SAMD12: variants seen among roughly 807,000 people sequenced by gnomAD.
SAMD12 encodes sterile alpha motif domain-containing protein 12.
A neutral mutation model predicts 15.0 loss-of-function variants in SAMD12; 9 were observed. The ratio of observed to expected loss-of-function variants is 0.60; its 90% CI spans 0.36 to 1.05. The LOEUF is 1.05. Among genes scored for constraint, SAMD12 ranks in the 50% least tolerant of loss-of-function variants. The pLI, the probability that SAMD12 is intolerant of heterozygous loss-of-function variation, is 0.01. For missense variants in SAMD12, 230 were observed against 234.2 expected (o/e 0.98, Z 0.12); for synonymous variants, 86 against 90.1 (o/e 0.96, Z 0.25).
the SAMD12 span, among the ~76,000 whole-genome samples, chr8:118,145,330 T>A: frequency 3.3e-5 from 5 of 152,346 alleles, no homozygotes; most frequent in Admixed American, 2.0e-4. Context: ...GAAGTGCATT[T>A]TATAAATAAA....
exon 5 of SAMD12, chr8:118,196,315 G>A (rs1315210248): frequency 6.6e-6 from 1 of 152,170 alleles, no homozygotes; most frequent in Admixed American, 6.5e-5. Context: ...TCAGTCCCAG[G>A]CTGGGACAGT....
In SAMD12 at chr8:118,436,311, A is replaced by G. The variant is rs563145652; in HGVS notation, c.322+3521T>C. On this transcript the variant is annotated intron_variant, in intron 3 of 3. Transcript: ENST00000314727. ...CATCATCCCATTTAATCTTCCCCCA[A>G]ATTCTTTAAGATAAATATTATTTTA... Among the ~76,000 whole-genome samples the G allele has an allele frequency of 6.6e-5, 10 of 152,230 alleles. No individual in the cohort carries two copies. The South Asian group carries it at 2.1e-3, about 32-fold the overall frequency.
chr8:118,255,101 A>G (rs890906868), intron 4 of SAMD12, among the ~76,000 whole-genome samples: 1 of 152,070 alleles, frequency 6.6e-6, no homozygotes, highest in Non-Finnish European at 1.5e-5. Context: ...CTTAAGCCGC[A>G]TCACTGTGAT....
At chr8:118,327,925 T>C (rs1389353326) in intron 4 of SAMD12, among the ~76,000 whole-genome samples, 2 of 152,164 alleles carry the variant, frequency 1.3e-5, no homozygotes, top group Non-Finnish European at 2.9e-5. Flanking sequence ...CCAGATCTGT[T>C]TTCGATCTTC....
chr8:118,311,602 T>C (rs1451770278), intron 4 of SAMD12, among the ~76,000 whole-genome samples: 1 of 152,218 alleles, frequency 6.6e-6, no homozygotes, highest in Non-Finnish European at 1.5e-5. Context: ...AAACAAGACA[T>C]AAATTCTGAG....
At chr8:118,287,542 TAGAG>T (rs796901112) in intron 4 of SAMD12, among the ~76,000 whole-genome samples, 7 of 152,154 alleles carry the variant, frequency 4.6e-5, no homozygotes, top group East Asian at 1.9e-4. Flanking sequence ...TGCCGGGACT[TAGAG>T]AGAAATTCTG....
intron 2 of SAMD12, among the ~76,000 whole-genome samples, chr8:118,531,087 T>C (rs1468228398): frequency 6.6e-6 from 1 of 152,248 alleles, no homozygotes; most frequent in African/African-American, 2.4e-5. Context: ...CTTTAATCCA[T>C]CTTGAATTGA....
chr8:118,266,380 C>T (rs1202917276), intron 4 of SAMD12, among the ~76,000 whole-genome samples: 2 of 152,144 alleles, frequency 1.3e-5, no homozygotes, highest in Non-Finnish European at 2.9e-5. Flanking sequence ...AACCCTTGCA[C>T]ACTGTTGGTG....
chr8:118,203,492 C>T (rs1819771232), intron 4 of SAMD12, among the ~76,000 whole-genome samples: 1 of 152,016 alleles, frequency 6.6e-6, no homozygotes, highest in Admixed American at 6.6e-5. Context: ...GGACAGCCCT[C>T]ACAACAGAAA....
chr8:118,618,251 A>G (rs1381781553), intron 1 of SAMD12, among the ~76,000 whole-genome samples: 2 of 152,064 alleles, frequency 1.3e-5, no homozygotes, highest in Non-Finnish European at 2.9e-5. Context: ...AACAAAGGGC[A>G]CCTCTTTTTC....
At chr8:118,529,086 C>G (rs1825614387) in intron 2 of SAMD12, among the ~76,000 whole-genome samples, 1 of 152,188 alleles carries the variant, frequency 6.6e-6, no homozygotes. Flanking sequence ...CACAGACAAC[C>G]ACTACACAGT....
At chr8:118,265,921 C>A (rs1175145768) in intron 4 of SAMD12, among the ~76,000 whole-genome samples, 1 of 152,028 alleles carries the variant, frequency 6.6e-6, no homozygotes, top group Admixed American at 6.6e-5. Context: ...CAATAAGGTA[C>A]ATGAATATCA....
chr8:118,311,115 C>G (rs2514938), intron 4 of SAMD12, among the ~76,000 whole-genome samples: 8,671 of 152,302 alleles, frequency 0.057, 441 homozygotes, highest in East Asian at 0.23. Context: ...AAAGATTTAG[C>G]AAACTGCTCA....
intron 4 of SAMD12, chr8:118,284,426 G>C (rs1159946896): frequency 2.2e-6 from 1 of 452,990 alleles, no homozygotes; most frequent in African/African-American, 2.0e-5. Context: ...TGACAAGTGA[G>C]TGATTCTGCC....
intron 1 of SAMD12, among the ~76,000 whole-genome samples, chr8:118,614,280 T>C (rs761676675): frequency 3.0e-4 from 45 of 152,182 alleles, no homozygotes; most frequent in Admixed American, 6.5e-4. Context: ...CTTATACTAA[T>C]TTAACCTTCT....
At chr8:118,430,164 CAGTT>C (rs1314874069) in intron 3 of SAMD12, among the ~76,000 whole-genome samples, 2 of 152,048 alleles carry the variant, frequency 1.3e-5, no homozygotes, top group Admixed American at 6.5e-5. Flanking sequence ...CTATAGATAT[CAGTT>C]AGGTCACATT....
rs914085235 is a variant in SAMD12 at position 118,621,683 on chromosome 8, G to A, written c.13+121C>T. 2.2e-5 allele frequency: 25 copies of A among 1,137,272 alleles called. No homozygotes were observed. In the Admixed American group the frequency reaches 4.2e-4, roughly 19 times the overall value. 70.4% of individuals were successfully genotyped at this position (1,137,272 alleles called of 1,614,324 possible). A position where few individuals can be genotyped will look rare whatever the true frequency, so the allele number is the denominator to read the frequency against. ...GAGTGCCAAGAGGTGGAGGAGGAAGGGGCCCGCTCTCCGCCACCCCCTTTC... is the reference window on the plus strand; with the variant it reads ...GAGTGCCAAGAGGTGGAGGAGGAAGAGGCCCGCTCTCCGCCACCCCCTTTC... On this transcript the variant is annotated intron_variant, in intron 1 of 3. Transcript: ENST00000314727.
At chr8:118,252,290 T>C (rs551579256) in intron 4 of SAMD12, among the ~76,000 whole-genome samples, 75 of 152,294 alleles carry the variant, frequency 4.9e-4, no homozygotes, top group African/African-American at 1.7e-3. Context: ...CTTTTGCTAA[T>C]GCTTGGAGGA....
chr8:118,222,309 G>A (rs1336434494), intron 4 of SAMD12, among the ~76,000 whole-genome samples: 3 of 152,126 alleles, frequency 2.0e-5, no homozygotes, highest in Non-Finnish European at 2.9e-5. Flanking sequence ...GAGGCAGAAT[G>A]TCATAGTGGA....
Sources: allele counts gnomAD v4.1 joint callset (sites outside exome capture counted in the v4.1 genomes callset), GRCh38; gene constraint gnomAD v4.1.1; transcripts MANE v1.5; gene names NCBI Gene and HGNC (gene_info 2026-07-23, HGNC 2026-07-21).